TENM1: variants seen among roughly 807,000 people sequenced by gnomAD.
TENM1 encodes teneurin transmembrane protein 1, also known as teneurin-1.
TENM1 carries 35 observed loss-of-function variants against 174.8 expected under a neutral mutation model. The ratio of observed to expected loss-of-function variants is 0.20; its 90% CI spans 0.15 to 0.27. The LOEUF (loss-of-function observed/expected upper bound fraction) is 0.27. TENM1 is among the 10% of genes least tolerant of loss of function. TENM1 has a pLI of 1.00. For synonymous variants in TENM1, 781 were observed against 798.7 expected (o/e 0.98, Z 0.37); for missense variants, 1,633 against 2,130.1 (o/e 0.77, Z 4.59).
At chrX:125,169,878 T>C in the TENM1 span, among the ~76,000 whole-genome samples, 1 of 111,135 alleles carries the variant, frequency 9.0e-6, no homozygotes, top group Admixed American at 9.6e-5. Context: ...AAATGCTTTA[T>C]ACTGTTTTTA....
At chrX:125,194,659 G>A in the TENM1 span, among the ~76,000 whole-genome samples, 1 of 111,811 alleles carries the variant, frequency 8.9e-6, no homozygotes, top group South Asian at 3.7e-4. Context: ...CAACAAATGT[G>A]TACTAAGCCT....
At chrX:124,686,937 A>C (rs2052381054) in intron 5 of TENM1, among the ~76,000 whole-genome samples, 1 of 111,698 alleles carries the variant, frequency 9.0e-6, no homozygotes, top group Admixed American at 9.5e-5. Context: ...AGGCAAGAGA[A>C]AGAAATAAAG....
the TENM1 span, among the ~76,000 whole-genome samples, chrX:125,090,685 A>G: frequency 9.0e-6 from 1 of 111,094 alleles, no homozygotes; most frequent in East Asian, 2.9e-4. Context: ...CAGCCATGAA[A>G]ATATGTAGGA....
intron 3 of TENM1, among the ~76,000 whole-genome samples, chrX:124,772,238 C>T (rs2054671499): frequency 9.0e-6 from 1 of 110,980 alleles, no homozygotes; most frequent in Non-Finnish European, 1.9e-5. Flanking sequence ...CGGGTTCAAA[C>T]AATTCTTGTG....
At chrX:124,723,562 T>A (rs1203861602) in intron 4 of TENM1, among the ~76,000 whole-genome samples, 1 of 109,157 alleles carries the variant, frequency 9.2e-6, no homozygotes, top group Non-Finnish European at 1.9e-5. Flanking sequence ...ACGTCCATCA[T>A]GAGCTCTGGA....
At chrX:124,607,159 C>T (rs1448116318) in intron 11 of TENM1, among the ~76,000 whole-genome samples, 1 of 111,414 alleles carries the variant, frequency 9.0e-6, no homozygotes, top group Non-Finnish European at 1.9e-5. Flanking sequence ...AATGGCTATA[C>T]AGTGGTGGTC....
At chrX:124,427,095 G>A (rs754681139) in intron 23 of TENM1, among the ~76,000 whole-genome samples, 33 of 111,937 alleles carry the variant, frequency 2.9e-4, no homozygotes, top group African/African-American at 8.8e-4. Flanking sequence ...ATTCATTTCC[G>A]TACAACACTC....
intron 28 of TENM1, among the ~76,000 whole-genome samples, chrX:124,391,467 A>G (rs1364861747): frequency 3.6e-5 from 4 of 110,677 alleles, no homozygotes; most frequent in African/African-American, 1.3e-4. Context: ...GGATTAAAAT[A>G]TTTTTCTATT....
At chrX:124,809,879 A>AGAGAGAGAGAGAG (rs397763324) in intron 3 of TENM1, among the ~76,000 whole-genome samples, 14 of 105,578 alleles carry the variant, frequency 1.3e-4, no homozygotes, top group Admixed American at 3.1e-4. Flanking sequence ...AGAGAGAGAG[A>AGAGAGAGAGAGAG]AGCAGGAAGC....
At chrX:125,168,401 T>A in the TENM1 span, among the ~76,000 whole-genome samples, 390 of 111,840 alleles carry the variant, frequency 3.5e-3, 6 homozygotes, top group East Asian at 0.046. Flanking sequence ...TCATTGCTTG[T>A]ATTTAGTGTT....
intron 6 of TENM1, among the ~76,000 whole-genome samples, chrX:124,655,683 C>T (rs2051423390): frequency 8.9e-6 from 1 of 112,283 alleles, no homozygotes; most frequent in Non-Finnish European, 1.9e-5. Context: ...TTAAGGCCAA[C>T]AGTAATAACT....
chrX:124,565,231 A>G, intron 12 of TENM1, 144 bp downstream of exon 15: 1 of 369,537 alleles, frequency 2.7e-6, no homozygotes, highest in Non-Finnish European at 4.6e-6. Flanking sequence ...ACCAGTTCAC[A>G]AAACTTTAAA....
chrX:124,421,395 T>G (rs1392661683), intron 24 of TENM1, among the ~76,000 whole-genome samples: 2 of 112,175 alleles, frequency 1.8e-5, no homozygotes, highest in African/African-American at 6.5e-5. Flanking sequence ...ACATTGGAAA[T>G]ATTGATCAAA....
At chrX:125,142,120 T>C in the TENM1 span, among the ~76,000 whole-genome samples, 26 of 112,293 alleles carry the variant, frequency 2.3e-4, 1 homozygote, top group African/African-American at 4.2e-4. Context: ...AATAAGAGGC[T>C]GGGCTATGCA....
chrX:125,105,792 G>A, the TENM1 span, among the ~76,000 whole-genome samples: 1 of 111,611 alleles, frequency 9.0e-6, no homozygotes, highest in Non-Finnish European at 1.9e-5. Context: ...GAAGCAGGAT[G>A]CCAGGAAACA....
At chrX:124,639,995 C>T (rs909188896) in intron 11 of TENM1, among the ~76,000 whole-genome samples, 18 of 110,303 alleles carry the variant, frequency 1.6e-4, no homozygotes, top group Admixed American at 2.9e-4. Flanking sequence ...CCACATCCAC[C>T]GTGTTCACTA....
intron 3 of TENM1, among the ~76,000 whole-genome samples, chrX:124,743,707 A>G (rs765769612): frequency 1.1e-3 from 122 of 111,760 alleles, no homozygotes; most frequent in Non-Finnish European, 1.6e-3. Context: ...GCCAGCAGGT[A>G]AGATATAGTA....
At chrX:125,068,897 C>CAT in the TENM1 span, among the ~76,000 whole-genome samples, 29 of 112,240 alleles carry the variant, frequency 2.6e-4, no homozygotes, top group African/African-American at 9.4e-4. Context: ...GATAGCTGGA[C>CAT]TATAGCCTCC....
the TENM1 span, among the ~76,000 whole-genome samples, chrX:125,100,979 A>T: frequency 9.0e-6 from 1 of 111,710 alleles, no homozygotes; most frequent in South Asian, 3.7e-4. Flanking sequence ...AACTCACTAT[A>T]CAAGACTCTG....
Sources: allele counts gnomAD v4.1 joint callset (sites outside exome capture counted in the v4.1 genomes callset), GRCh38; gene constraint gnomAD v4.1.1; transcripts MANE v1.5; gene names NCBI Gene and HGNC (gene_info 2026-07-23, HGNC 2026-07-21).